The following CA10 variants were observed in gnomAD, a reference collection of about 807,000 sequenced individuals.
CA10 encodes the protein carbonic anhydrase 10 (inactive), also known as carbonic anhydrase-related protein 10.
A neutral mutation model predicts 44.2 loss-of-function variants in CA10; 14 were observed. The ratio of observed to expected loss-of-function variants is 0.32; its 90% CI spans 0.21 to 0.50. CA10 has a LOEUF of 0.50. CA10 is among the 20% of genes least tolerant of loss of function. The pLI is 0.99. For missense variants in CA10, 350 were observed against 409.7 expected (o/e 0.85, Z 1.26); for synonymous variants, 159 against 141.6 (o/e 1.12, Z -0.87).
At chr17:52,024,261 T>A (rs749830596) in intron 2 of CA10, among the ~76,000 whole-genome samples, 10 of 152,168 alleles carry the variant, frequency 6.6e-5, no homozygotes, top group Non-Finnish European at 1.5e-4. Context: ...CTTCTTATAC[T>A]GTCATAATCC....
At chr17:52,107,764 A>G (rs1187139577) in intron 1 of CA10, among the ~76,000 whole-genome samples, 1 of 152,172 alleles carries the variant, frequency 6.6e-6, no homozygotes, top group African/African-American at 2.4e-5. Context: ...TTTTGCTTCC[A>G]TCATTTTGGT....
intron 4 of CA10, among the ~76,000 whole-genome samples, chr17:51,716,472 AAAAAAGAAGAG>A (rs1295392908): frequency 6.6e-6 from 1 of 152,054 alleles, no homozygotes; most frequent in Non-Finnish European, 1.5e-5. Flanking sequence ...TATTCAGAGA[AAAAAAGAAGAG>A]AAAAAATGCC....
At chr17:52,021,220 T>G (rs917649308) in intron 2 of CA10, among the ~76,000 whole-genome samples, 1 of 152,052 alleles carries the variant, frequency 6.6e-6, no homozygotes, top group African/African-American at 2.4e-5. Context: ...TCATGGGCAT[T>G]GAGGTTGATT....
At chr17:52,014,540 A>C (rs1985908809) in intron 2 of CA10, among the ~76,000 whole-genome samples, 2 of 152,072 alleles carry the variant, frequency 1.3e-5, no homozygotes, top group African/African-American at 4.8e-5. Flanking sequence ...TAATATTTTT[A>C]TAATCTTAGC....
chr17:51,840,306 G>C (rs553096650), intron 3 of CA10, among the ~76,000 whole-genome samples: 1 of 152,156 alleles, frequency 6.6e-6, no homozygotes, highest in African/African-American at 2.4e-5. Context: ...TGTTTTTACT[G>C]AGTTTGTTGC....
At chr17:52,002,833 T>C (rs1012836172) in intron 2 of CA10, among the ~76,000 whole-genome samples, 2 of 151,938 alleles carry the variant, frequency 1.3e-5, no homozygotes, top group Non-Finnish European at 2.9e-5. Context: ...TTAGGTGTTA[T>C]TGTTGTCTTT....
intron 2 of CA10, among the ~76,000 whole-genome samples, chr17:51,970,395 G>C (rs1464323232): frequency 1.3e-5 from 2 of 148,980 alleles, no homozygotes; most frequent in Non-Finnish European, 3.0e-5. Flanking sequence ...TTATTTTTTT[G>C]TTCCTCTTAC....
intron 3 of CA10, among the ~76,000 whole-genome samples, chr17:51,840,523 T>C (rs987305084): frequency 6.6e-6 from 1 of 151,552 alleles, no homozygotes; most frequent in African/African-American, 2.4e-5. Context: ...ACACGTACTA[T>C]AGTTTCTTAT....
chr17:51,945,788 C>G (rs964762488), intron 2 of CA10, among the ~76,000 whole-genome samples: 1 of 152,120 alleles, frequency 6.6e-6, no homozygotes, highest in South Asian at 2.1e-4. Flanking sequence ...TTTCTCACTC[C>G]CTTTCAGTCT....
chr17:51,872,989 A>C (rs566493677), intron 3 of CA10, among the ~76,000 whole-genome samples: 24 of 152,300 alleles, frequency 1.6e-4, no homozygotes, highest in Non-Finnish European at 2.8e-4. Context: ...ATATATCAAC[A>C]ATGGTGCTGA....
chr17:51,883,399 A>C (rs1980462772), intron 3 of CA10, among the ~76,000 whole-genome samples: 1 of 152,086 alleles, frequency 6.6e-6, no homozygotes, highest in African/African-American at 2.4e-5. Context: ...TTTTACATTA[A>C]AAGTCCTCAA....
At chr17:51,725,830 A>C (rs1347671220) in intron 4 of CA10, among the ~76,000 whole-genome samples, 1 of 152,100 alleles carries the variant, frequency 6.6e-6, no homozygotes, top group Non-Finnish European at 1.5e-5. Flanking sequence ...TTCATTATTT[A>C]TTGAGTGCCT....
At chr17:51,863,339 G>C (rs1383649901) in intron 3 of CA10, among the ~76,000 whole-genome samples, 1 of 152,148 alleles carries the variant, frequency 6.6e-6, no homozygotes, top group Admixed American at 6.5e-5. Flanking sequence ...CTTAAATCCA[G>C]CTCAAGTTTT....
intron 4 of CA10, among the ~76,000 whole-genome samples, chr17:51,746,138 T>C (rs1904679547): frequency 6.6e-6 from 1 of 152,168 alleles, no homozygotes. Context: ...AGCTCAACCC[T>C]ATTGTTTATA....
intron 2 of CA10, among the ~76,000 whole-genome samples, chr17:51,977,757 A>G (rs1984512057): frequency 6.6e-6 from 1 of 152,138 alleles, no homozygotes; most frequent in Non-Finnish European, 1.5e-5. Context: ...GTTTATAGAC[A>G]CTGTGATTGT....
intron 1 of CA10, among the ~76,000 whole-genome samples, chr17:52,100,703 T>A (rs1359493761): frequency 2.6e-5 from 4 of 152,248 alleles, no homozygotes; most frequent in Middle Eastern, 3.4e-3. Context: ...CCATATCTGG[T>A]CTCTCATGCT....
At chr17:51,878,762 T>C (rs1980202229) in intron 3 of CA10, among the ~76,000 whole-genome samples, 1 of 146,688 alleles carries the variant, frequency 6.8e-6, no homozygotes, top group Non-Finnish European at 1.5e-5. Context: ...TTTTCAAGCT[T>C]ATAACTATTC....
At chr17:52,152,288 C>T (rs1989719854) in intron 1 of CA10, among the ~76,000 whole-genome samples, 3 of 152,114 alleles carry the variant, frequency 2.0e-5, no homozygotes, top group South Asian at 2.1e-4. Context: ...AATACAAAAA[C>T]GAAAGTCACA....
intron 3 of CA10, among the ~76,000 whole-genome samples, chr17:51,841,951 C>T (rs1397558906): frequency 6.6e-6 from 1 of 152,166 alleles, no homozygotes; most frequent in Non-Finnish European, 1.5e-5. Flanking sequence ...TTCCTTCTGC[C>T]TCTTTTTAAG....
Sources: allele counts gnomAD v4.1 joint callset (sites outside exome capture counted in the v4.1 genomes callset), GRCh38; gene constraint gnomAD v4.1.1; transcripts MANE v1.5; gene names NCBI Gene and HGNC (gene_info 2026-07-23, HGNC 2026-07-21).